GLRA3: variants seen among roughly 807,000 people sequenced by gnomAD.
The protein encoded by GLRA3 is glycine receptor alpha 3, also known as glycine receptor subunit alpha-3.
A neutral mutation model predicts 60.4 loss-of-function variants in GLRA3; 44 were observed. That is an observed-to-expected ratio of 0.73 (90% CI 0.57 to 0.94). The LOEUF (loss-of-function observed/expected upper bound fraction) is 0.94. GLRA3 is among the 40% of genes least tolerant of loss of function. The pLI is 0.00. For missense variants in GLRA3, 508 were observed against 564.6 expected, an observed-to-expected ratio of 0.90 and a Z score of 1.02; for synonymous variants, 223 against 192.9, an observed-to-expected ratio of 1.16 and a Z score of -1.29.
intron 9 of GLRA3, among the ~76,000 whole-genome samples, chr4:174,649,093 G>GA (rs201860734): frequency 0.019 from 2,950 of 152,198 alleles, 37 homozygotes; most frequent in Middle Eastern, 0.044. Context: ...AGACTGACTC[G>GA]AAGGCCAGGA....
chr4:174,785,515 A>T (rs187504527), intron 2 of GLRA3, among the ~76,000 whole-genome samples: 2 of 152,172 alleles, frequency 1.3e-5, no homozygotes, highest in Non-Finnish European at 2.9e-5. Flanking sequence ...GGCTAATGAG[A>T]TTAAACATTT....
intron 1 of GLRA3, among the ~76,000 whole-genome samples, chr4:174,822,313 C>T (rs1182020781): frequency 6.6e-6 from 1 of 152,086 alleles, no homozygotes. Flanking sequence ...CCTCCATGGA[C>T]ATTATCATTT....
At chr4:174,740,538 T>G (rs202075845) in intron 3 of GLRA3, among the ~76,000 whole-genome samples, 5 of 152,168 alleles carry the variant, frequency 3.3e-5, no homozygotes, top group East Asian at 3.9e-4. Flanking sequence ...ACCCAGCAAA[T>G]CCCTGCCTAT....
At chr4:174,745,361 C>T (rs186242446) in intron 3 of GLRA3, among the ~76,000 whole-genome samples, 110 of 152,230 alleles carry the variant, frequency 7.2e-4, no homozygotes, top group Middle Eastern at 3.4e-3. Context: ...TGTCTGAAGT[C>T]AATGGCAAAG....
chr4:174,646,713 G>GT (rs1732833025), intron 9 of GLRA3, among the ~76,000 whole-genome samples: 2 of 152,214 alleles, frequency 1.3e-5, no homozygotes, highest in African/African-American at 4.8e-5. Context: ...AGTCTCCTGT[G>GT]TGAGGCAGAT....
In GLRA3 at chr4:174,643,719, CAT is replaced by C; in HGVS notation, c.*65_*66del. ...TGTATACCACACGCACACATATACA[CAT>C]ACACACCTATGGCAGAGACACTTTC... On this transcript the variant is annotated 3_prime_UTR_variant, in exon 10 of 10. Transcript: ENST00000274093. The C allele has an allele frequency of 6.4e-7, 1 of 1,562,530 alleles. No individual in the cohort carries two copies. The highest frequency in any genetic ancestry group is 8.7e-7 in the Non-Finnish European group (1 of 1,154,912).
intron 2 of GLRA3, among the ~76,000 whole-genome samples, chr4:174,776,600 T>C (rs1006513686): frequency 6.6e-6 from 1 of 152,002 alleles, no homozygotes; most frequent in African/African-American, 2.4e-5. Flanking sequence ...TAGAAAGCAA[T>C]CAAACAAATT....
chr4:174,766,007 TCACA>T (rs1311620834), intron 3 of GLRA3, among the ~76,000 whole-genome samples: 1 of 150,738 alleles, frequency 6.6e-6, no homozygotes, highest in East Asian at 1.9e-4. Context: ...CAACACACAC[TCACA>T]CACACCTCTA....
At chr4:174,700,022 T>C (rs1331345251) in intron 5 of GLRA3, among the ~76,000 whole-genome samples, 1 of 152,104 alleles carries the variant, frequency 6.6e-6, no homozygotes, top group Non-Finnish European at 1.5e-5. Context: ...ATTTCTATCA[T>C]AAAAATGAAA....
chr4:174,643,682 A>G lies in GLRA3; in HGVS notation c.*104T>C. 1 of 1,441,784 alleles carries G rather than the reference A, an allele frequency of 6.9e-7. No individual in the cohort carries two copies. Among genetic ancestry groups the G allele is most frequent in the East Asian group, 2.3e-5 (1 of 42,868 alleles). The allele number at this position is 1,441,784 out of a possible 1,614,324, so 89.3% of individuals were successfully genotyped here. A position where few individuals can be genotyped will look rare whatever the true frequency, so the allele number is the denominator to read the frequency against. On this transcript the variant is annotated 3_prime_UTR_variant, in exon 10 of 10. Coordinates refer to ENST00000274093, the MANE Select transcript of GLRA3 (RefSeq NM_006529.4). ...CTTTTCCATATGCCATTTTAATACA[A>G]TGGTCATCATTTGTATACCACACGC...
intron 3 of GLRA3, among the ~76,000 whole-genome samples, chr4:174,747,825 C>T (rs934988037): frequency 5.7e-5 from 8 of 140,402 alleles, no homozygotes; most frequent in African/African-American, 2.1e-4. Flanking sequence ...AACCAACTTA[C>T]TGATTAGACT....
chr4:174,789,704 C>A (rs1335659876), intron 1 of GLRA3, among the ~76,000 whole-genome samples: 2 of 152,154 alleles, frequency 1.3e-5, no homozygotes, highest in Non-Finnish European at 2.9e-5. Flanking sequence ...TCCTGTCCAG[C>A]TCTTCACTTA....
intron 5 of GLRA3, among the ~76,000 whole-genome samples, chr4:174,704,278 A>C (rs1735434902): frequency 7.0e-6 from 1 of 143,590 alleles, no homozygotes; most frequent in Admixed American, 7.2e-5. Flanking sequence ...CGGGCAACAG[A>C]GTCAGACCCT....
chr4:174,810,920 G>A (rs960225116), intron 1 of GLRA3, among the ~76,000 whole-genome samples: 4 of 152,138 alleles, frequency 2.6e-5, no homozygotes, highest in Non-Finnish European at 5.9e-5. Context: ...GCTATAAAAT[G>A]TTTCTCATAG....
intron 4 of GLRA3, among the ~76,000 whole-genome samples, chr4:174,719,246 A>G (rs1233892345): frequency 6.6e-6 from 1 of 151,946 alleles, no homozygotes; most frequent in African/African-American, 2.4e-5. Context: ...TACAGGCGTG[A>G]GCCACCGCGC....
At chr4:174,786,429 A>G (rs1291932736) in intron 2 of GLRA3, among the ~76,000 whole-genome samples, 1 of 152,100 alleles carries the variant, frequency 6.6e-6, no homozygotes, top group African/African-American at 2.4e-5. Flanking sequence ...ATGACGACAC[A>G]AGGGCTGATC....
Position 174,642,557 on chromosome 4 carries a change from G to T in GLRA3, c.*1229C>A. 2.0e-6 allele frequency: 2 copies of T among 976,332 alleles called. No individual in the cohort carries two copies. The highest frequency in any genetic ancestry group is 2.4e-6 in the Non-Finnish European group (2 of 821,784). The allele number at this position is 976,332 out of a possible 1,614,324, so 60.5% of individuals were successfully genotyped here. A position where few individuals can be genotyped will look rare whatever the true frequency, so the allele number is the denominator to read the frequency against. Reference sequence around the variant, plus strand: ...ACACTGCAAAAAACAAGTTACTAATGCTCTGTTTTTGTTGAAGTAATCCCA... The same window carrying T: ...ACACTGCAAAAAACAAGTTACTAATTCTCTGTTTTTGTTGAAGTAATCCCA... On this transcript the variant is annotated 3_prime_UTR_variant, in exon 10 of 10. Coordinates refer to ENST00000274093, the MANE Select transcript of GLRA3 (RefSeq NM_006529.4).
At chr4:174,826,129 G>T (rs1243125787) in intron 1 of GLRA3, among the ~76,000 whole-genome samples, 1 of 151,942 alleles carries the variant, frequency 6.6e-6, no homozygotes, top group East Asian at 1.9e-4. Flanking sequence ...CACCACAAAA[G>T]ATGTTCAATG....
intron 3 of GLRA3, among the ~76,000 whole-genome samples, chr4:174,758,074 C>A (rs1737790050): frequency 6.6e-6 from 1 of 152,134 alleles, no homozygotes; most frequent in African/African-American, 2.4e-5. Context: ...CTGTTCCCTT[C>A]CTACTTCTGC....
Sources: gnomAD v4.1 joint callset for allele counts (sites outside exome capture counted in the v4.1 genomes callset) on GRCh38, gnomAD v4.1.1 for gene constraint, MANE v1.5 for transcripts, NCBI Gene and HGNC (gene_info 2026-07-23, HGNC 2026-07-21) for gene names.